KIAA1217: variants seen among roughly 807,000 people sequenced by gnomAD.
The protein encoded by KIAA1217 is KIAA1217.
In KIAA1217, 88 loss-of-function variants were observed where a neutral mutation model predicts 163.9. The ratio of observed to expected loss-of-function variants is 0.54; its 90% CI spans 0.45 to 0.64. KIAA1217 has a LOEUF of 0.64. Ranked by LOEUF, KIAA1217 falls within the 30% of genes least tolerant of loss-of-function variation. KIAA1217 has a pLI of 0.00. For missense variants in KIAA1217, 2,372 were observed against 2,475.0 expected (o/e 0.96, Z 0.88); for synonymous variants, 903 against 923.1 (o/e 0.98, Z 0.39).
intron 1 of KIAA1217, among the ~76,000 whole-genome samples, chr10:23,963,770 A>T (rs1844928031): frequency 6.6e-6 from 1 of 152,180 alleles, no homozygotes; most frequent in African/African-American, 2.4e-5. Flanking sequence ...CATCCTCTCC[A>T]GCATCTGTTG....
At chr10:24,493,718 T>TA (rs1404244239) in intron 6 of KIAA1217, among the ~76,000 whole-genome samples, 2 of 152,236 alleles carry the variant, frequency 1.3e-5, no homozygotes, top group African/African-American at 4.8e-5. Context: ...ACCTCCAGGC[T>TA]AAAGTTCCTA....
chr10:24,440,462 A>G (rs542098888), intron 5 of KIAA1217, among the ~76,000 whole-genome samples: 1 of 152,242 alleles, frequency 6.6e-6, no homozygotes, highest in East Asian at 1.9e-4. Flanking sequence ...GTGCCCCAGA[A>G]TCGCCTCTGA....
intron 2 of KIAA1217, among the ~76,000 whole-genome samples, chr10:24,353,844 C>G (rs1185432924): frequency 2.0e-5 from 3 of 152,146 alleles, no homozygotes; most frequent in Non-Finnish European, 4.4e-5. Context: ...AGTCAATGTT[C>G]TGATTTCCAA....
intron 2 of KIAA1217, among the ~76,000 whole-genome samples, chr10:24,186,352 C>G (rs561172817): frequency 6.6e-6 from 1 of 152,170 alleles, no homozygotes; most frequent in Admixed American, 6.5e-5. Context: ...TACTTTACAC[C>G]TCTGAAGACT....
chr10:24,131,174 G>A (rs766394868), intron 2 of KIAA1217, among the ~76,000 whole-genome samples: 2 of 152,114 alleles, frequency 1.3e-5, no homozygotes, highest in Non-Finnish European at 2.9e-5. Context: ...TGGATTTGAA[G>A]ACTATTTTAA....
At chr10:24,034,405 C>A (rs1434151790) in intron 2 of KIAA1217, among the ~76,000 whole-genome samples, 1 of 151,072 alleles carries the variant, frequency 6.6e-6, no homozygotes, top group Non-Finnish European at 1.5e-5. Context: ...ACAAAAAATA[C>A]AAAAAAAATT....
chr10:24,382,604 T>C (rs981956464), intron 3 of KIAA1217, among the ~76,000 whole-genome samples: 34 of 152,208 alleles, frequency 2.2e-4, no homozygotes, highest in Non-Finnish European at 4.4e-4. Flanking sequence ...ATGTGCTTTT[T>C]GTTTATGTGT....
chr10:23,790,405 A>G lies in KIAA1217; in HGVS notation c.-321+95171A>G, dbSNP rs1288409671. 1.1e-4 allele frequency among the ~76,000 whole-genome samples: 12 copies of G among 109,354 alleles called. 2 individuals carry two copies. Among genetic ancestry groups the G allele is most frequent in the East Asian group, 6.1e-4 (2 of 3,270 alleles). The allele number at this position is 109,354 out of a possible 152,430, so 71.7% of individuals were successfully genotyped here. On this transcript the variant is annotated intron_variant, in intron 1 of 18. Coordinates refer to the KIAA1217 transcript ENST00000376462. ...TATATACATATGTATATATACATATATACATATACATATATACATATATAC... is the reference window on the plus strand; with the variant it reads ...TATATACATATGTATATATACATATGTACATATACATATATACATATATAC...
In KIAA1217 at chr10:24,513,699, C is replaced by A. The variant is rs574373134; in HGVS notation, c.2177+265C>A. ...GGCATGGTAGTTCACACCTGTAGTC[C>A]CAGTTACTCATGAGGCTGAGGCGGG... On this transcript the variant is annotated intron_variant, in intron 10 of 20. Transcript: ENST00000376454. 5.9e-5 allele frequency among the ~76,000 whole-genome samples: 9 copies of A among 151,736 alleles called. No individual in the cohort carries two copies. The South Asian group carries it at 1.9e-3, about 32-fold the overall frequency.
chr10:24,085,965 C>A (rs1589438279), intron 2 of KIAA1217, among the ~76,000 whole-genome samples: 1 of 141,588 alleles, frequency 7.1e-6, no homozygotes, highest in South Asian at 2.1e-4. Context: ...AAAGCGAGAC[C>A]CTGTCTCAAA....
At chr10:24,095,706 A>G in intron 2 of KIAA1217, among the ~76,000 whole-genome samples, 1 of 152,016 alleles carries the variant, frequency 6.6e-6, no homozygotes, top group East Asian at 1.9e-4. Flanking sequence ...GTACTCACAA[A>G]TTTACCTCTC....
chr10:24,045,767 C>T (rs182842556), intron 2 of KIAA1217, among the ~76,000 whole-genome samples: 1,652 of 152,206 alleles, frequency 0.011, 11 homozygotes, highest in Middle Eastern at 0.048. Context: ...GCACCATATA[C>T]CCATGTTTCA....
intron 5 of KIAA1217, among the ~76,000 whole-genome samples, chr10:24,439,658 T>C (rs2060329964): frequency 6.6e-6 from 1 of 151,760 alleles, no homozygotes; most frequent in South Asian, 2.1e-4. Context: ...TTCTTTTTTT[T>C]TTTTTTCCCC....
chr10:24,319,349 C>A (rs1345057812), intron 2 of KIAA1217, among the ~76,000 whole-genome samples: 1 of 125,762 alleles, frequency 8.0e-6, no homozygotes, highest in African/African-American at 3.1e-5. Context: ...ACACTCCAGC[C>A]TGGGTGACAG....
chr10:24,264,284 A>C (rs564347979), intron 2 of KIAA1217, among the ~76,000 whole-genome samples: 2 of 152,330 alleles, frequency 1.3e-5, no homozygotes, highest in African/African-American at 4.8e-5. Context: ...CTGGAAGTTC[A>C]TTCTTTTCCT....
chr10:23,867,785 T>C (rs2131152441), intron 1 of KIAA1217, among the ~76,000 whole-genome samples: 1 of 152,304 alleles, frequency 6.6e-6, no homozygotes, highest in East Asian at 1.9e-4. Context: ...GTGAAAATTT[T>C]CTCCCATTCT....
chr10:24,513,122 T>A (rs1210242867), intron 9 of KIAA1217, 137 bp from the exon 10 acceptor site: 7 of 814,174 alleles, frequency 8.6e-6, no homozygotes, highest in Non-Finnish European at 1.4e-5. Flanking sequence ...CTTTGCTCCC[T>A]TTCCTTTCTC....
chr10:23,880,547 A>T (rs1024706713), intron 1 of KIAA1217, among the ~76,000 whole-genome samples: 5 of 151,976 alleles, frequency 3.3e-5, no homozygotes, highest in Non-Finnish European at 5.9e-5. Flanking sequence ...CTAGGAAATC[A>T]GGGTGACTAT....
intron 1 of KIAA1217, among the ~76,000 whole-genome samples, chr10:23,705,173 T>C (rs1836807262): frequency 6.6e-6 from 1 of 152,182 alleles, no homozygotes; most frequent in Non-Finnish European, 1.5e-5. Context: ...TTGTTAAGTG[T>C]TCTTTATTTT....
Sources: gnomAD v4.1 joint callset for allele counts (sites outside exome capture counted in the v4.1 genomes callset) on GRCh38, gnomAD v4.1.1 for gene constraint, MANE v1.5 for transcripts, NCBI Gene and HGNC (gene_info 2026-07-23, HGNC 2026-07-21) for gene names.